The following COL10A1 variants were observed in gnomAD, a reference collection of about 807,000 sequenced individuals.
COL10A1 encodes collagen type X alpha 1 chain.
COL10A1 carries 10 observed loss-of-function variants against 18.2 expected under a neutral mutation model. That is an observed-to-expected ratio of 0.55 (90% CI 0.34 to 0.93). The LOEUF (loss-of-function observed/expected upper bound fraction) is 0.93. Ranked by LOEUF, COL10A1 falls within the 40% of genes least tolerant of loss-of-function variation. The probability of loss-of-function intolerance (pLI) is 0.02; values close to 1 mark genes in which losing one functional copy is unlikely to be tolerated. For synonymous variants in COL10A1, 330 were observed against 316.6 expected (o/e 1.04, Z -0.45); for missense variants, 897 against 853.5 (o/e 1.05, Z -0.64).
intron 1 of COL10A1, among the ~76,000 whole-genome samples, chr6:116,150,248 A>C (rs1315521733): frequency 2.0e-5 from 3 of 152,078 alleles, no homozygotes; most frequent in Non-Finnish European, 4.4e-5. Flanking sequence ...GGCCACTGAC[A>C]GATCAGTTAA....
chr6:116,160,735 G>C (rs1780307056), upstream of COL10A1, among the ~76,000 whole-genome samples: 2 of 152,110 alleles, frequency 1.3e-5, no homozygotes, highest in African/African-American at 4.8e-5. Context: ...TTTTCTTCTA[G>C]TATAATATTT....
the COL10A1 span, among the ~76,000 whole-genome samples, chr6:116,180,823 G>A: frequency 5.3e-5 from 8 of 152,020 alleles, no homozygotes; most frequent in South Asian, 2.1e-4. Flanking sequence ...TAGGTTAGAG[G>A]ACATTTAAGT....
chr6:116,156,681 A>G (rs537456448), intron 1 of COL10A1, among the ~76,000 whole-genome samples: 2 of 152,342 alleles, frequency 1.3e-5, no homozygotes, highest in Admixed American at 1.3e-4. Flanking sequence ...ATGGAATGAC[A>G]CTGCAGATAT....
At chr6:116,148,419 G>A (rs1287556646) in intron 1 of COL10A1, among the ~76,000 whole-genome samples, 1 of 152,050 alleles carries the variant, frequency 6.6e-6, no homozygotes, top group Admixed American at 6.5e-5. Context: ...CTACTTTTTG[G>A]AACATTTGAA....
At chr6:116,134,454 T>C (rs370659679) in intron 1 of COL10A1, among the ~76,000 whole-genome samples, 30 of 152,346 alleles carry the variant, frequency 2.0e-4, no homozygotes, top group African/African-American at 7.2e-4. Flanking sequence ...TTATTTATTA[T>C]TGAAAATCCA....
upstream of COL10A1, among the ~76,000 whole-genome samples, chr6:116,162,136 G>T (rs1436623246): frequency 6.6e-6 from 1 of 152,120 alleles, no homozygotes; most frequent in African/African-American, 2.4e-5. Context: ...TGTATCCTGA[G>T]ACTTTAGCAA....
the COL10A1 span, among the ~76,000 whole-genome samples, chr6:116,192,834 A>G: frequency 3.3e-5 from 5 of 151,964 alleles, no homozygotes; most frequent in Admixed American, 2.0e-4. Context: ...TTGGCCTCCT[A>G]CTATTGGAAG....
At chr6:116,181,779 A>T in the COL10A1 span, among the ~76,000 whole-genome samples, 4 of 152,090 alleles carry the variant, frequency 2.6e-5, no homozygotes, top group Non-Finnish European at 4.4e-5. Context: ...TGGGAGCTAT[A>T]TTATGTTCCT....
the COL10A1 span, among the ~76,000 whole-genome samples, chr6:116,197,607 G>GGAGTTA: frequency 6.6e-6 from 1 of 151,960 alleles, no homozygotes; most frequent in African/African-American, 2.4e-5. Context: ...CCCAAATGTC[G>GGAGTTA]GAGTTAGACT....
At chr6:116,122,489 A>G (rs1322866911) in intron 2 of COL10A1, among the ~76,000 whole-genome samples, 5 of 152,154 alleles carry the variant, frequency 3.3e-5, no homozygotes, top group Non-Finnish European at 7.4e-5. Context: ...GAGCTCTTAT[A>G]CTCTCCATTA....
upstream of COL10A1, among the ~76,000 whole-genome samples, chr6:116,130,581 TG>T (rs1248965228): frequency 6.6e-6 from 1 of 152,152 alleles, no homozygotes; most frequent in Non-Finnish European, 1.5e-5. Flanking sequence ...CCTGGATGTC[TG>T]GGTCCTAGGG....
At chr6:116,202,455 A>AT in the COL10A1 span, among the ~76,000 whole-genome samples, 1 of 152,000 alleles carries the variant, frequency 6.6e-6, no homozygotes, top group African/African-American at 2.4e-5. Flanking sequence ...CAATGATCCC[A>AT]TATGTTCTTG....
the COL10A1 span, among the ~76,000 whole-genome samples, chr6:116,168,688 T>C: frequency 2.0e-5 from 3 of 152,298 alleles, no homozygotes; most frequent in South Asian, 2.1e-4. Flanking sequence ...TTTTTATTGA[T>C]ACTAGCTATT....
the COL10A1 span, among the ~76,000 whole-genome samples, chr6:116,182,222 A>AGTGTGT: frequency 0.019 from 2,412 of 124,648 alleles, 45 homozygotes; most frequent in African/African-American, 0.048. Context: ...TTCCATGGAG[A>AGTGTGT]GTGTGTGTGT....
At chr6:116,172,701 A>G in the COL10A1 span, among the ~76,000 whole-genome samples, 1 of 152,216 alleles carries the variant, frequency 6.6e-6, no homozygotes, top group African/African-American at 2.4e-5. Context: ...ATTTAATTAC[A>G]TAAGAAAAGA....
At chr6:116,131,167 A>G (rs1452025455) in intron 1 of COL10A1, among the ~76,000 whole-genome samples, 3 of 152,220 alleles carry the variant, frequency 2.0e-5, no homozygotes, top group Non-Finnish European at 4.4e-5. Flanking sequence ...TCTCCGTGGT[A>G]TGGTCAGTTT....
upstream of COL10A1, among the ~76,000 whole-genome samples, chr6:116,162,424 G>A (rs1383400645): frequency 6.6e-6 from 1 of 152,070 alleles, no homozygotes; most frequent in African/African-American, 2.4e-5. Flanking sequence ...GTCAAATATG[G>A]TTCTTAGTAT....
the COL10A1 span, among the ~76,000 whole-genome samples, chr6:116,195,906 G>A: frequency 2.0e-5 from 3 of 152,102 alleles, no homozygotes; most frequent in African/African-American, 7.2e-5. Context: ...GTTGGAAAGG[G>A]GGAAGGTGGA....
At chr6:116,195,873 C>A in the COL10A1 span, among the ~76,000 whole-genome samples, 1 of 151,830 alleles carries the variant, frequency 6.6e-6, no homozygotes, top group Admixed American at 6.6e-5. Flanking sequence ...TAGAAGAGAC[C>A]AAAAAGCTAT....
Sources: gnomAD v4.1 joint callset for allele counts (sites outside exome capture counted in the v4.1 genomes callset) on GRCh38, gnomAD v4.1.1 for gene constraint, MANE v1.5 for transcripts, NCBI Gene and HGNC (gene_info 2026-07-23, HGNC 2026-07-21) for gene names.